The following GRIN2A variants were observed in gnomAD, a reference collection of about 807,000 sequenced individuals.
GRIN2A encodes the protein glutamate receptor ionotropic, NMDA 2A.
In GRIN2A, 22 loss-of-function variants were observed where a neutral mutation model predicts 113.4. That is an observed-to-expected ratio of 0.19 (90% CI 0.14 to 0.28). The LOEUF (loss-of-function observed/expected upper bound fraction) is 0.28, where lower values mean the gene tolerates loss of function less well. Among genes scored for constraint, GRIN2A ranks in the 10% least tolerant of loss-of-function variants. The pLI is 1.00. For synonymous variants in GRIN2A, 827 were observed against 738.4 expected, an observed-to-expected ratio of 1.12 and a Z score of -1.94; for missense variants, 1,502 against 1,887.0, an observed-to-expected ratio of 0.80 and a Z score of 3.78.
chr16:10,162,372 C>T (rs1261663822), intron 2 of GRIN2A, among the ~76,000 whole-genome samples: 2 of 152,194 alleles, frequency 1.3e-5, no homozygotes. Flanking sequence ...TACCTCCCAA[C>T]CTCTCTGTAT....
At chr16:10,168,590 T>C (rs1203389792) in intron 2 of GRIN2A, among the ~76,000 whole-genome samples, 1 of 152,190 alleles carries the variant, frequency 6.6e-6, no homozygotes, top group African/African-American at 2.4e-5. Context: ...AGCCTTCCTA[T>C]TCCATGAATC....
At chr16:9,801,570 G>T (rs1903363402) in intron 10 of GRIN2A, among the ~76,000 whole-genome samples, 1 of 152,210 alleles carries the variant, frequency 6.6e-6, no homozygotes, top group Non-Finnish European at 1.5e-5. Flanking sequence ...CTTCAAATCA[G>T]TACCATATTT....
chr16:9,898,677 T>A (rs1441899175), intron 3 of GRIN2A, among the ~76,000 whole-genome samples: 4 of 152,218 alleles, frequency 2.6e-5, no homozygotes, highest in African/African-American at 9.6e-5. Context: ...CTCCTTGAAC[T>A]GCTTGGGTGT....
rs59351819 is a variant in GRIN2A, at chr16:10,096,539, AACAC to A, written c.414+83455_414+83458del. Among the ~76,000 whole-genome samples the A allele has an allele frequency of 1.5e-3, 208 of 137,748 alleles. 1 individual carries two copies. Among genetic ancestry groups the A allele is most frequent in the East Asian group, 4.9e-3 (22 of 4,476 alleles). The allele number at this position is 137,748 out of a possible 152,430, so 90.4% of individuals were successfully genotyped here. On this transcript the variant is annotated intron_variant, in intron 2 of 12. Coordinates refer to ENST00000330684, the MANE Select transcript of GRIN2A (RefSeq NM_001134407.3). ...TTCAATTTTTTTTAAATTGTGGTAAAACACACACACACACACACACACACACACA... is the reference window on the plus strand; with the variant it reads ...TTCAATTTTTTTTAAATTGTGGTAAAACACACACACACACACACACACACA...
intron 2 of GRIN2A, among the ~76,000 whole-genome samples, chr16:10,110,890 A>G (rs2048600233): frequency 6.6e-6 from 1 of 152,190 alleles, no homozygotes; most frequent in African/African-American, 2.4e-5. Flanking sequence ...AAACATCCAC[A>G]TTTGACTTCA....
intron 2 of GRIN2A, among the ~76,000 whole-genome samples, chr16:10,049,281 A>C (rs2047312808): frequency 6.6e-6 from 1 of 152,036 alleles, no homozygotes; most frequent in East Asian, 1.9e-4. Flanking sequence ...CTCTGTGTTT[A>C]CTCTATCTCA....
chr16:10,110,342 G>A (rs946875306), intron 2 of GRIN2A, among the ~76,000 whole-genome samples: 1 of 152,196 alleles, frequency 6.6e-6, no homozygotes, highest in South Asian at 2.1e-4. Context: ...GATCACACAG[G>A]ACCTCATCAA....
At chr16:10,093,036 C>T (rs532809522) in intron 2 of GRIN2A, among the ~76,000 whole-genome samples, 5 of 152,112 alleles carry the variant, frequency 3.3e-5, no homozygotes, top group Admixed American at 6.5e-5. Context: ...GGTGGGGTTT[C>T]GCCATGTTGG....
At chr16:9,944,201 C>A (rs1181542183) in intron 2 of GRIN2A, among the ~76,000 whole-genome samples, 1 of 152,176 alleles carries the variant, frequency 6.6e-6, no homozygotes, top group African/African-American at 2.4e-5. Context: ...TGAGGACTGC[C>A]CTTGTGAGCC....
intron 4 of GRIN2A, among the ~76,000 whole-genome samples, chr16:9,853,342 T>A (rs553627228): frequency 1.8e-4 from 28 of 152,266 alleles, no homozygotes; most frequent in African/African-American, 6.3e-4. Context: ...GGAGGGGTCT[T>A]TGGGAGCTGA....
intron 2 of GRIN2A, among the ~76,000 whole-genome samples, chr16:10,074,823 T>C (rs1322528133): frequency 6.6e-6 from 1 of 152,208 alleles, no homozygotes; most frequent in Non-Finnish European, 1.5e-5. Context: ...TTGCACAATA[T>C]AGTCAATATA....
intron 2 of GRIN2A, among the ~76,000 whole-genome samples, chr16:10,116,404 C>T (rs1550958): frequency 0.84 from 128,057 of 151,828 alleles, 54,772 homozygotes; most frequent in East Asian, 0.92. Flanking sequence ...CAGCAAACCA[C>T]TATGGCAAAT....
At chr16:10,039,807 G>A (rs1293626659) in intron 2 of GRIN2A, among the ~76,000 whole-genome samples, 16 of 84,764 alleles carry the variant, frequency 1.9e-4, no homozygotes, top group East Asian at 1.7e-3. Context: ...GGGGAGGGGG[G>A]GGAGAAAGAG....
chr16:10,073,574 T>C (rs72774137), intron 2 of GRIN2A, among the ~76,000 whole-genome samples: 14,577 of 152,032 alleles, frequency 0.096, 775 homozygotes, highest in African/African-American at 0.11. Flanking sequence ...TCTACCGTGA[T>C]GTGTGAGGGT....
At chr16:10,173,371 G>A (rs1339359593) in intron 2 of GRIN2A, among the ~76,000 whole-genome samples, 4 of 152,174 alleles carry the variant, frequency 2.6e-5, no homozygotes, top group African/African-American at 9.7e-5. Flanking sequence ...TCCTGCTGAT[G>A]AGCTGTTACT....
chr16:10,180,287 T>C lies in GRIN2A; in HGVS notation c.125A>G (p.His42Arg), dbSNP rs2050238895. 2.5e-6 allele frequency: 4 copies of C among 1,613,034 alleles called. No homozygotes were observed. Among genetic ancestry groups the C allele is most frequent in the Non-Finnish European group, 3.4e-6 (4 of 1,179,986 alleles). The change falls in exon 2 of 13, where the codon CAC (histidine) becomes CGC (arginine). Residue 42 changes from histidine (H) to arginine (R), a missense_variant. Around this residue, in one of 7 missense-constraint regions of GRIN2A, gnomAD observed 149 missense variants for 179.1 expected, o/e 0.83. Coordinates refer to ENST00000330684, the MANE Select transcript of GRIN2A (RefSeq NM_001134407.3). This position sits in a 1 kb window ranked among gnomAD's most constrained non-coding sequence, Gnocchi z 7.0. ...PALNIAVMLG[H>R]SHDVTERELR... Reference sequence around the variant, plus strand: ...TTCGCGCTCTGTCACGTCGTGGCTGTGACCCAGCATCACCGCAATATTTAG... The same window carrying C: ...TTCGCGCTCTGTCACGTCGTGGCTGCGACCCAGCATCACCGCAATATTTAG...
At chr16:9,975,834 C>A (rs540789176) in intron 2 of GRIN2A, among the ~76,000 whole-genome samples, 18 of 152,292 alleles carry the variant, frequency 1.2e-4, no homozygotes, top group African/African-American at 3.4e-4. Context: ...AAAGATACAA[C>A]ACACAACCAG....
chr16:10,112,234 T>A, intron 2 of GRIN2A: 3 of 614,208 alleles, frequency 4.9e-6, no homozygotes, highest in Non-Finnish European at 9.0e-6. Flanking sequence ...CAAATCACCA[T>A]GGTGCATTAC....
intron 10 of GRIN2A, among the ~76,000 whole-genome samples, chr16:9,799,782 CTTATTT>C: frequency 6.6e-6 from 1 of 152,138 alleles, no homozygotes; most frequent in African/African-American, 2.4e-5. Context: ...TTTTGATACA[CTTATTT>C]TTATTGAGGT....
Sources: gnomAD v4.1 joint callset for allele counts (sites outside exome capture counted in the v4.1 genomes callset) on GRCh38, gnomAD v4.1.1 for gene constraint, gnomAD v4.1.1 regional missense constraint, Gnocchi (gnomAD v3.1) non-coding constraint, MANE v1.5 for transcripts, NCBI Gene and HGNC (gene_info 2026-07-23, HGNC 2026-07-21) for gene names.